TENM3: variants seen among roughly 807,000 people sequenced by gnomAD.
TENM3 encodes the protein teneurin transmembrane protein 3.
Under a neutral mutation model 255.1 loss-of-function variants are expected in TENM3, and 63 were observed. That is an observed-to-expected ratio of 0.25 (90% CI 0.20 to 0.30). The LOEUF is 0.30. Ranked by LOEUF, TENM3 falls within the 10% of genes least tolerant of loss-of-function variation. The probability of loss-of-function intolerance (pLI) is 1.00; values close to 1 mark genes in which losing one functional copy is unlikely to be tolerated. For missense variants in TENM3, 2,929 were observed against 3,461.1 expected (o/e 0.85, Z 3.86); for synonymous variants, 1,306 against 1,322.3 (o/e 0.99, Z 0.27).
At chr4:182,571,353 C>G (rs948373580) in intron 3 of TENM3, among the ~76,000 whole-genome samples, 2 of 152,152 alleles carry the variant, frequency 1.3e-5, no homozygotes, top group African/African-American at 4.8e-5. Context: ...TGGCAAAACC[C>G]TGTCTTTTCA....
chr4:181,769,998 TAA>T, the TENM3 span, among the ~76,000 whole-genome samples: 2,978 of 152,276 alleles, frequency 0.02, 31 homozygotes, highest in Middle Eastern at 0.061. Context: ...CAGTTGTATT[TAA>T]AAGTCATGAG....
chr4:181,513,556 G>T, the TENM3 span, among the ~76,000 whole-genome samples: 1 of 152,186 alleles, frequency 6.6e-6, no homozygotes. Context: ...GAAGGAAATA[G>T]TCCCAACAAG....
chr4:182,099,337 G>T, the TENM3 span, among the ~76,000 whole-genome samples: 45 of 152,122 alleles, frequency 3.0e-4, no homozygotes, highest in Admixed American at 1.2e-3. Context: ...CAAAGCCCAA[G>T]ACCTTAAATG....
chr4:182,069,869 G>A, the TENM3 span, among the ~76,000 whole-genome samples: 1 of 152,128 alleles, frequency 6.6e-6, no homozygotes, highest in Non-Finnish European at 1.5e-5. Context: ...TTCAAGGTAA[G>A]GACAGCCAGT....
chr4:182,183,976 A>T (rs1267326586), intron 1 of TENM3, among the ~76,000 whole-genome samples: 1 of 152,196 alleles, frequency 6.6e-6, no homozygotes, highest in Non-Finnish European at 1.5e-5. Context: ...ACCAATAGTT[A>T]TATGTTTTCA....
chr4:182,484,182 G>GA (rs1734476173), intron 3 of TENM3, among the ~76,000 whole-genome samples: 1 of 152,106 alleles, frequency 6.6e-6, no homozygotes, highest in African/African-American at 2.4e-5. Flanking sequence ...CTGCATAGAT[G>GA]AGTGTATTTA....
intron 3 of TENM3, among the ~76,000 whole-genome samples, chr4:182,365,996 G>C (rs1049386453): frequency 2.0e-5 from 3 of 152,122 alleles, no homozygotes; most frequent in Non-Finnish European, 4.4e-5. Context: ...ATCTTATGGG[G>C]CTACTGTCAT....
chr4:182,321,985 G>A (rs1176046951), intron 1 of TENM3, among the ~76,000 whole-genome samples: 4 of 152,058 alleles, frequency 2.6e-5, no homozygotes, highest in Admixed American at 2.6e-4. Context: ...ACTTCTCTTT[G>A]TTGGAATAAA....
At chr4:182,681,322 C>T (rs1189642336) in intron 10 of TENM3, among the ~76,000 whole-genome samples, 1 of 152,194 alleles carries the variant, frequency 6.6e-6, no homozygotes, top group Non-Finnish European at 1.5e-5. Flanking sequence ...ATTTTCAGGC[C>T]ATTGACCCTA....
At chr4:181,585,623 A>G in the TENM3 span, among the ~76,000 whole-genome samples, 1 of 152,194 alleles carries the variant, frequency 6.6e-6, no homozygotes, top group Non-Finnish European at 1.5e-5. Context: ...CAGGACAAAA[A>G]TAATGTAATG....
intron 3 of TENM3, among the ~76,000 whole-genome samples, chr4:182,505,840 C>T (rs1468323022): frequency 2.0e-5 from 3 of 152,162 alleles, no homozygotes; most frequent in African/African-American, 4.8e-5. Flanking sequence ...CCTTTGTTGA[C>T]ATTGTCATCA....
At chr4:182,162,149 G>A (rs1184426725) in intron 1 of TENM3, among the ~76,000 whole-genome samples, 1 of 151,672 alleles carries the variant, frequency 6.6e-6, no homozygotes, top group African/African-American at 2.4e-5. Context: ...CTCTTGAGTT[G>A]CTGGGATTAC....
At chr4:181,463,880 A>G in the TENM3 span, among the ~76,000 whole-genome samples, 1 of 152,128 alleles carries the variant, frequency 6.6e-6, no homozygotes, top group Non-Finnish European at 1.5e-5. Flanking sequence ...TACTCTGTGT[A>G]GTTTATATAA....
chr4:181,665,047 A>G, the TENM3 span, among the ~76,000 whole-genome samples: 1 of 152,144 alleles, frequency 6.6e-6, no homozygotes, highest in Non-Finnish European at 1.5e-5. Context: ...TCTTATTCTA[A>G]TCTCACTAAA....
At chr4:182,029,650 A>T in the TENM3 span, among the ~76,000 whole-genome samples, 3 of 152,230 alleles carry the variant, frequency 2.0e-5, no homozygotes, top group African/African-American at 7.2e-5. Context: ...GAGTAGTTGA[A>T]TCTTGATGTA....
the TENM3 span, among the ~76,000 whole-genome samples, chr4:181,633,477 G>A: frequency 1.2e-4 from 19 of 152,226 alleles, no homozygotes; most frequent in Admixed American, 5.2e-4. Context: ...GTCACACTCC[G>A]AAACGCAGAG....
At chr4:182,117,537 G>C in the TENM3 span, among the ~76,000 whole-genome samples, 1 of 152,102 alleles carries the variant, frequency 6.6e-6, no homozygotes, top group South Asian at 2.1e-4. Flanking sequence ...AGTTGTTCCA[G>C]CATTATTGAA....
the TENM3 span, among the ~76,000 whole-genome samples, chr4:181,801,654 AT>A: frequency 7.3e-5 from 1 of 13,744 alleles, no homozygotes; most frequent in Admixed American, 8.1e-4. Flanking sequence ...ATTGTAAAAT[AT>A]ATATATATAT....
chr4:181,911,125 G>A, the TENM3 span, among the ~76,000 whole-genome samples: 1 of 152,170 alleles, frequency 6.6e-6, no homozygotes, highest in African/African-American at 2.4e-5. Flanking sequence ...CCATTTTACA[G>A]ATGAGAAAAA....
Sources: allele counts gnomAD v4.1 joint callset (sites outside exome capture counted in the v4.1 genomes callset), GRCh38; gene constraint gnomAD v4.1.1; transcripts MANE v1.5; gene names NCBI Gene and HGNC (gene_info 2026-07-23, HGNC 2026-07-21).